Variants in ABI3BP observed in about 807,000 individuals in gnomAD.
ABI3BP encodes the protein ABI family member 3 binding protein, also known as target of Nesh-SH3.
Under a neutral mutation model 268.6 loss-of-function variants are expected in ABI3BP, and 216 were observed. The ratio of observed to expected loss-of-function variants is 0.80; its 90% CI spans 0.72 to 0.90. The LOEUF is 0.90. Ranked by LOEUF, ABI3BP falls within the 40% of genes least tolerant of loss-of-function variation. The pLI is 0.00. For synonymous variants in ABI3BP, 730 were observed against 730.0 expected, an observed-to-expected ratio of 1.00 and a Z score of 0.00; for missense variants, 2,090 against 2,182.4, an observed-to-expected ratio of 0.96 and a Z score of 0.84.
At chr3:100,816,485 A>C in intron 43 of ABI3BP, 1 of 648,274 alleles carries the variant, frequency 1.5e-6, no homozygotes, top group Non-Finnish European at 2.8e-6. Context: ...CATTTAGGAG[A>C]TCAGGCACAC....
At chr3:100,945,542 T>A (rs2071712567) in intron 1 of ABI3BP, 3 of 399,912 alleles carry the variant, frequency 7.5e-6, no homozygotes, top group Non-Finnish European at 1.5e-5. Context: ...ACTGGTCTAC[T>A]TTCTGCTTTT....
At chr3:100,968,537 C>A (rs1475536848) in intron 1 of ABI3BP, among the ~76,000 whole-genome samples, 1 of 152,100 alleles carries the variant, frequency 6.6e-6, no homozygotes, top group Non-Finnish European at 1.5e-5. Context: ...ATCATTTAAT[C>A]CATAGTGTGT....
At chr3:100,844,195 T>C (rs2098741649) in intron 20 of ABI3BP, 4 of 985,420 alleles carry the variant, frequency 4.1e-6, no homozygotes, top group Non-Finnish European at 4.8e-6. Context: ...GACTCACATG[T>C]GTGTAGGAAT....
At chr3:100,862,812 T>A in intron 13 of ABI3BP, 26 bp downstream of exon 13, 4 of 1,462,572 alleles carry the variant, frequency 2.7e-6, no homozygotes, top group Non-Finnish European at 9.2e-7. Context: ...ACAGCCTTAA[T>A]ATTAAATTTA....
chr3:100,853,733 G>A (rs7627156), intron 14 of ABI3BP, among the ~76,000 whole-genome samples: 50,761 of 151,874 alleles, frequency 0.33, 8,900 homozygotes, highest in African/African-American at 0.42. Context: ...ATCTCCCCTC[G>A]TTATTCCCAT....
intron 49 of ABI3BP, among the ~76,000 whole-genome samples, chr3:100,808,799 C>T (rs899819854): frequency 4.6e-5 from 7 of 151,776 alleles, no homozygotes; most frequent in South Asian, 2.1e-4. Flanking sequence ...TGAGCAAATC[C>T]GAAAGAAATT....
intron 27 of ABI3BP, 95 bp downstream of exon 27, chr3:100,837,029 T>C (rs2098603802): frequency 8.3e-7 from 1 of 1,206,974 alleles, no homozygotes; most frequent in South Asian, 1.5e-5. Context: ...ACAAAAATGG[T>C]GAATGACAAT....
intron 36 of ABI3BP, among the ~76,000 whole-genome samples, chr3:100,823,774 T>G (rs1297918570): frequency 6.6e-6 from 1 of 152,234 alleles, no homozygotes; most frequent in Non-Finnish European, 1.5e-5. Flanking sequence ...TGTTTTTAAC[T>G]AATGAATTCT....
At chr3:100,863,835 CCAAA>C (rs1398774993) in intron 12 of ABI3BP, 163 bp downstream of exon 12, 4 of 561,022 alleles carry the variant, frequency 7.1e-6, no homozygotes, top group South Asian at 2.6e-5. Flanking sequence ...AACAACCCAA[CCAAA>C]CAATTTGTCA....
At position 100,989,272 on chromosome 3, in the gene ABI3BP, G is replaced by A. The variant is rs138771689; in HGVS notation, c.79+4034C>T. On this transcript the variant is annotated intron_variant, in intron 1 of 67. Coordinates refer to ENST00000471714, the MANE Select transcript of ABI3BP (RefSeq NM_001375547.2). ...TTCTTTGCAAATTACCTAGTCTCAG[G>A]TATTTTGTCACAGAAGCACGAAACA... 6.8e-3 allele frequency among the ~76,000 whole-genome samples: 1,034 copies of A among 152,224 alleles called. 3 individuals carry two copies. Among genetic ancestry groups the A allele is most frequent in the Middle Eastern group, 0.014 (4 of 294 alleles).
chr3:100,977,921 A>C (rs1299583137), intron 1 of ABI3BP, among the ~76,000 whole-genome samples: 1 of 152,104 alleles, frequency 6.6e-6, no homozygotes, highest in Non-Finnish European at 1.5e-5. Flanking sequence ...TCTCTGCATG[A>C]TCTATGCATA....
chr3:100,913,608 C>T (rs2057553380), intron 2 of ABI3BP, among the ~76,000 whole-genome samples: 1 of 152,058 alleles, frequency 6.6e-6, no homozygotes, highest in Non-Finnish European at 1.5e-5. Flanking sequence ...AATAGAGTAG[C>T]ATAAGAATAG....
At chr3:100,913,975 T>C (rs1439083981) in intron 2 of ABI3BP, among the ~76,000 whole-genome samples, 1 of 152,128 alleles carries the variant, frequency 6.6e-6, no homozygotes, top group Non-Finnish European at 1.5e-5. Context: ...TCTACCCCTT[T>C]AATGCCTGGG....
At chr3:100,805,643 T>G (rs144562815) in intron 50 of ABI3BP, among the ~76,000 whole-genome samples, 62 of 152,052 alleles carry the variant, frequency 4.1e-4, no homozygotes, top group East Asian at 3.1e-3. Flanking sequence ...ATAATCTGCT[T>G]GAGGTTATGG....
chr3:100,819,040 T>A lies in ABI3BP; in HGVS notation c.3032-459A>T, dbSNP rs537362209. Among the ~76,000 whole-genome samples the A allele has an allele frequency of 3.3e-5, 5 of 152,278 alleles. No individual in the cohort carries two copies. In the East Asian group the frequency reaches 9.7e-4, roughly 29 times the overall value. ...TCATAGGCTGAGATTTCATTTGCAG[T>A]AAAGGCACTCAGCAAATCAGGATAA... On this transcript the variant is annotated intron_variant, in intron 40 of 67. Transcript: ENST00000471714.
intron 51 of ABI3BP, among the ~76,000 whole-genome samples, chr3:100,803,843 A>G (rs780954853): frequency 1.4e-4 from 21 of 152,184 alleles, no homozygotes; most frequent in South Asian, 4.1e-4. Context: ...CTAGCCTGCT[A>G]CCACCACCAC....
At chr3:100,899,242 TAAAC>T (rs1188038252) in intron 3 of ABI3BP, among the ~76,000 whole-genome samples, 2 of 152,158 alleles carry the variant, frequency 1.3e-5, no homozygotes, top group East Asian at 1.9e-4. Context: ...ATGAGTGAAA[TAAAC>T]AAACACACAT....
In ABI3BP at chr3:100,911,858, C is replaced by T. The variant is rs567027962; in HGVS notation, c.260-9172G>A. 16 of 1,599,974 alleles carry T rather than the reference C, an allele frequency of 1.0e-5. No individual in the cohort carries two copies. The Admixed American group carries it at 1.2e-4, about 12-fold the overall frequency. On this transcript the variant is annotated intron_variant, in intron 2 of 67. Transcript: ENST00000471714. ...TTTTGTGAAGCAGCCTCTCTCTAAA[C>T]GTCATGATCTGATCTGAATGACGAC...
intron 14 of ABI3BP, among the ~76,000 whole-genome samples, chr3:100,856,853 C>T (rs1286513243): frequency 6.6e-6 from 1 of 152,184 alleles, no homozygotes; most frequent in Non-Finnish European, 1.5e-5. Context: ...ATTTATGCTG[C>T]TTCTCCTTCC....
Sources: gnomAD v4.1 joint callset for allele counts (sites outside exome capture counted in the v4.1 genomes callset) on GRCh38, gnomAD v4.1.1 for gene constraint, MANE v1.5 for transcripts, NCBI Gene and HGNC (gene_info 2026-07-23, HGNC 2026-07-21) for gene names.